The following LIPC variants were observed in gnomAD, a reference collection of about 807,000 sequenced individuals.
The protein encoded by LIPC is lipase C, hepatic type, also known as hepatic triacylglycerol lipase.
LIPC carries 44 observed loss-of-function variants against 50.7 expected under a neutral mutation model. The observed-to-expected ratio is 0.87, with a 90% confidence interval of 0.68 to 1.11. The LOEUF (loss-of-function observed/expected upper bound fraction) is 1.11. LIPC is among the 50% of genes most tolerant of loss of function. LIPC has a pLI of 0.00. For synonymous variants in LIPC, 271 were observed against 256.4 expected, an observed-to-expected ratio of 1.06 and a Z score of -0.54; for missense variants, 697 against 648.2, an observed-to-expected ratio of 1.08 and a Z score of -0.82.
intron 8 of LIPC, chr15:58,565,408 C>T: frequency 1.4e-6 from 2 of 1,467,302 alleles, no homozygotes; most frequent in Non-Finnish European, 1.8e-6. Flanking sequence ...ACCTTCTCCA[C>T]TGGGGCACAC....
intron 1 of LIPC, among the ~76,000 whole-genome samples, chr15:58,462,158 T>C (rs1313258011): frequency 2.0e-5 from 3 of 152,242 alleles, no homozygotes; most frequent in Non-Finnish European, 4.4e-5. Context: ...ATTATGTCTA[T>C]TGTTGACTGC....
chr15:58,566,679 G>T (rs1343908514), intron 8 of LIPC, among the ~76,000 whole-genome samples: 2 of 152,196 alleles, frequency 1.3e-5, no homozygotes, highest in Admixed American at 1.3e-4. Flanking sequence ...GAGTAGGGTT[G>T]TGGAGATGGT....
intron 7 of LIPC, among the ~76,000 whole-genome samples, chr15:58,562,978 T>C (rs1025018518): frequency 5.9e-5 from 9 of 152,244 alleles, no homozygotes; most frequent in Non-Finnish European, 1.0e-4. Flanking sequence ...CTGATCATGA[T>C]ACCTCAGAGT....
chr15:58,443,145 C>A (rs1206241954), intron 1 of LIPC, among the ~76,000 whole-genome samples: 3 of 152,148 alleles, frequency 2.0e-5, no homozygotes, highest in Non-Finnish European at 4.4e-5. Context: ...ACTCCTGCCT[C>A]AAGTGATCTG....
intron 6 of LIPC, among the ~76,000 whole-genome samples, chr15:58,556,864 A>G (rs1368415548): frequency 6.6e-6 from 1 of 152,236 alleles, no homozygotes; most frequent in Non-Finnish European, 1.5e-5. Context: ...GGGAGGGAAG[A>G]TAAAGTAGGC....
chr15:58,501,770 T>G (rs571036231), intron 1 of LIPC, among the ~76,000 whole-genome samples: 8 of 152,258 alleles, frequency 5.3e-5, no homozygotes, highest in Admixed American at 2.6e-4. Flanking sequence ...AACCCAAATT[T>G]CTTTCTTACC....
chr15:58,496,570 C>T (rs566920146), intron 1 of LIPC, among the ~76,000 whole-genome samples: 2 of 152,196 alleles, frequency 1.3e-5, no homozygotes, highest in South Asian at 2.1e-4. Context: ...CACTATAAAT[C>T]AAGACCTCTG....
rs145811475 is a variant in LIPC at position 58,548,545 on chromosome 15, G to A, written c.1024G>A (p.Val342Ile). ...GAGCAAGAGCAAGAGGCTCTTCCTC[G>A]TAACGCGAGCCCAGTCCCCCTTCAA... ...PRSKSKRLFL[V>I]TRAQSPFKVY... Residue 342 changes from valine to isoleucine, a missense_variant, in exon 6 of 9, where the codon GTA (valine) becomes ATA (isoleucine). Val to Ile is a conservative substitution (Grantham distance 29). Coordinates refer to ENST00000299022, the MANE Select transcript of LIPC (RefSeq NM_000236.3). The A allele has an allele frequency of 3.8e-5, 60 of 1,593,980 alleles. No homozygotes were observed. In the African/African-American group the frequency reaches 3.9e-4, roughly 10 times the overall value.
At chr15:58,477,950 C>T (rs1891053729) in intron 1 of LIPC, among the ~76,000 whole-genome samples, 1 of 152,028 alleles carries the variant, frequency 6.6e-6, no homozygotes, top group South Asian at 2.1e-4. Flanking sequence ...TTCCCAGTCT[C>T]ATCTCACCTC....
chr15:58,449,571 A>T (rs1282525816), intron 1 of LIPC, among the ~76,000 whole-genome samples: 2 of 149,546 alleles, frequency 1.3e-5, no homozygotes, highest in Non-Finnish European at 3.0e-5. Flanking sequence ...TTTTTTTTTT[A>T]AGACAGAGTC....
At chr15:58,462,195 G>GGAT (rs1262421348) in intron 1 of LIPC, among the ~76,000 whole-genome samples, 1 of 152,162 alleles carries the variant, frequency 6.6e-6, no homozygotes, top group Non-Finnish European at 1.5e-5. Flanking sequence ...CTTCCCTATA[G>GGAT]GATCGTGAGT....
intron 1 of LIPC, among the ~76,000 whole-genome samples, chr15:58,452,457 T>C (rs1893936873): frequency 6.6e-6 from 1 of 152,240 alleles, no homozygotes; most frequent in Admixed American, 6.5e-5. Flanking sequence ...AACAGTTTTC[T>C]ATTTCTCCCA....
At chr15:58,503,684 A>G (rs1360547449) in intron 1 of LIPC, among the ~76,000 whole-genome samples, 2 of 152,232 alleles carry the variant, frequency 1.3e-5, no homozygotes, top group Non-Finnish European at 2.9e-5. Context: ...GGGTGGCCCC[A>G]AAGGCAGAGG....
intron 1 of LIPC, among the ~76,000 whole-genome samples, chr15:58,524,493 A>G (rs1186418358): frequency 6.6e-6 from 1 of 152,232 alleles, no homozygotes; most frequent in Non-Finnish European, 1.5e-5. Context: ...ATGCATTTGT[A>G]ACTTTCATAG....
intron 2 of LIPC, among the ~76,000 whole-genome samples, chr15:58,540,385 C>CTCCTTCA (rs3838849): frequency 0.037 from 5,706 of 152,268 alleles, 268 homozygotes; most frequent in East Asian, 0.095. Flanking sequence ...TAACGTATTT[C>CTCCTTCA]TCCTTCATAA....
chr15:58,518,680 C>G (rs1182887638), intron 1 of LIPC, among the ~76,000 whole-genome samples: 1 of 152,204 alleles, frequency 6.6e-6, no homozygotes, highest in African/African-American at 2.4e-5. Context: ...GTGGATGAAT[C>G]TCACTTAATG....
intron 1 of LIPC, among the ~76,000 whole-genome samples, chr15:58,469,123 T>G (rs1030669096): frequency 2.6e-4 from 35 of 133,928 alleles, no homozygotes; most frequent in Non-Finnish European, 8.4e-5. Flanking sequence ...TGTGTGTGTG[T>G]GTGTGTGTGT....
chr15:58,531,275 T>A (rs1566940521), intron 1 of LIPC, among the ~76,000 whole-genome samples: 1 of 152,202 alleles, frequency 6.6e-6, no homozygotes. Flanking sequence ...TATCTTCTTT[T>A]AAGGATATCT....
At chr15:58,457,868 G>A (rs1362004477) in intron 1 of LIPC, among the ~76,000 whole-genome samples, 2 of 152,120 alleles carry the variant, frequency 1.3e-5, no homozygotes, top group Non-Finnish European at 2.9e-5. Flanking sequence ...CCGGGCCCAT[G>A]TCTCCATCCT....
Sources: allele counts gnomAD v4.1 joint callset (sites outside exome capture counted in the v4.1 genomes callset), GRCh38; gene constraint gnomAD v4.1.1; transcripts MANE v1.5; gene names NCBI Gene and HGNC (gene_info 2026-07-23, HGNC 2026-07-21).